PRKN: variants seen among roughly 807,000 people sequenced by gnomAD.
PRKN encodes the protein parkin RBR E3 ubiquitin protein ligase.
In PRKN, 56 loss-of-function variants were observed where a neutral mutation model predicts 59.5. The observed-to-expected ratio is 0.94, with a 90% CI of 0.76 to 1.18. The LOEUF (loss-of-function observed/expected upper bound fraction) is 1.18, where lower values mean the gene tolerates loss of function less well. Ranked by LOEUF, PRKN falls within the 50% of genes most tolerant of loss-of-function variation. The pLI is 0.00. For synonymous variants in PRKN, 250 were observed against 222.1 expected (o/e 1.13, Z -1.12); for missense variants, 657 against 596.4 (o/e 1.10, Z -1.06).
intron 6 of PRKN, among the ~76,000 whole-genome samples, chr6:161,801,828 C>T (rs997971986): frequency 6.6e-6 from 1 of 152,088 alleles, no homozygotes; most frequent in African/African-American, 2.4e-5. Context: ...TTCGGGTGAA[C>T]AATGGGATGT....
At chr6:162,302,837 C>T (rs1782020306) in intron 2 of PRKN, among the ~76,000 whole-genome samples, 1 of 152,054 alleles carries the variant, frequency 6.6e-6, no homozygotes, top group African/African-American at 2.4e-5. Flanking sequence ...CCCTCTAATT[C>T]ACCTCCCACT....
At chr6:162,317,234 G>C (rs1782790972) in intron 2 of PRKN, among the ~76,000 whole-genome samples, 1 of 152,006 alleles carries the variant, frequency 6.6e-6, no homozygotes, top group Non-Finnish European at 1.5e-5. Context: ...ATCAAGGGCA[G>C]GGCCAGCTGG....
At chr6:162,712,684 C>T (rs1038122921) in intron 1 of PRKN, among the ~76,000 whole-genome samples, 9 of 152,214 alleles carry the variant, frequency 5.9e-5, no homozygotes, top group African/African-American at 2.2e-4. Flanking sequence ...TTATCTCTGG[C>T]TTGCACCACA....
chr6:161,948,786 T>C lies in PRKN; in HGVS notation c.734+24516A>G, dbSNP rs566325807. On this transcript the variant is annotated intron_variant, in intron 6 of 11. Transcript: ENST00000366898. ...AAGAGGGGACCCAGACACAGAGCCG[T>C]GTCAGTAAGGGCACATCTGAGTAAG... Among the ~76,000 whole-genome samples, 6 of 152,318 alleles carry C rather than the reference T, an allele frequency of 3.9e-5. No homozygotes were observed. The East Asian group carries it at 9.7e-4, about 25-fold the overall frequency.
At chr6:162,197,931 C>T (rs554446451) in intron 4 of PRKN, among the ~76,000 whole-genome samples, 2 of 152,226 alleles carry the variant, frequency 1.3e-5, no homozygotes, top group Admixed American at 6.5e-5. Context: ...AAACTAGAGA[C>T]CCAAGCTGAA....
intron 3 of PRKN, among the ~76,000 whole-genome samples, chr6:162,247,177 T>C (rs1271369957): frequency 6.6e-6 from 1 of 152,196 alleles, no homozygotes; most frequent in Non-Finnish European, 1.5e-5. Context: ...GACTTTCCAG[T>C]TTCTTTGTGA....
At chr6:161,364,319 C>T (rs566842034) in intron 10 of PRKN, among the ~76,000 whole-genome samples, 9 of 150,644 alleles carry the variant, frequency 6.0e-5, no homozygotes, top group East Asian at 2.0e-4. Flanking sequence ...ATTAGCTGGG[C>T]GCGGTGGTGG....
chr6:162,158,826 G>A (rs1055214269), intron 4 of PRKN, among the ~76,000 whole-genome samples: 4 of 151,870 alleles, frequency 2.6e-5, no homozygotes, highest in South Asian at 2.1e-4. Context: ...GACTATTATA[G>A]GCTTCAAACG....
chr6:161,970,389 T>C (rs3016555), intron 6 of PRKN, among the ~76,000 whole-genome samples: 71,962 of 148,668 alleles, frequency 0.48, 17,360 homozygotes, highest in Middle Eastern at 0.6. Flanking sequence ...GGAAAAAGCA[T>C]GATACGAAAC....
At chr6:162,492,924 G>A (rs1562328154) in intron 1 of PRKN, among the ~76,000 whole-genome samples, 1 of 142,140 alleles carries the variant, frequency 7.0e-6, no homozygotes, top group Non-Finnish European at 1.5e-5. Flanking sequence ...CTGCACTCCA[G>A]CCTGGGCAAC....
In PRKN at chr6:161,973,315, A is replaced by T. The variant is rs1405650185; in HGVS notation, c.721T>A (p.Cys241Ser). 2 of 1,610,264 alleles carry T rather than the reference A, an allele frequency of 1.2e-6. No individual in the cohort carries two copies. The highest frequency in any genetic ancestry group is 1.3e-5 in the African/African-American group (1 of 74,870). ...TTAGATCCTTACCTGACGTCTGTGC[A>T]CGTAATGCAAGTGATGTTCCGACTA... The part of the protein sequence containing the change: ...TNSRNITCIT[C>S]TDVRSPVLVF... Residue 241 changes from cysteine (C) to serine (S), a missense_variant, in exon 6 of 12, where the codon TGC becomes AGC. Coordinates refer to ENST00000366898, the MANE Select transcript of PRKN (RefSeq NM_004562.3).
At chr6:162,588,930 G>C (rs535427617) in intron 1 of PRKN, among the ~76,000 whole-genome samples, 1 of 152,054 alleles carries the variant, frequency 6.6e-6, no homozygotes, top group Non-Finnish European at 1.5e-5. Context: ...CGGTGGGTGC[G>C]CAGTAAGTTG....
chr6:161,493,122 T>C (rs956499639), intron 9 of PRKN, among the ~76,000 whole-genome samples: 3 of 152,192 alleles, frequency 2.0e-5, no homozygotes, highest in African/African-American at 7.2e-5. Flanking sequence ...ATCTGAAATG[T>C]CTTCTTGGTC....
At chr6:162,307,437 A>C (rs985886559) in intron 2 of PRKN, among the ~76,000 whole-genome samples, 1 of 151,686 alleles carries the variant, frequency 6.6e-6, no homozygotes, top group Admixed American at 6.6e-5. Context: ...AGATATAACT[A>C]AGCAGCAAAT....
chr6:162,622,904 T>A (rs1182064901), intron 1 of PRKN, among the ~76,000 whole-genome samples: 3 of 152,174 alleles, frequency 2.0e-5, no homozygotes, highest in Non-Finnish European at 4.4e-5. Flanking sequence ...TGAAATGCTT[T>A]ATGAACCGCC....
At chr6:161,521,707 A>G (rs1462483057) in intron 9 of PRKN, among the ~76,000 whole-genome samples, 3 of 152,140 alleles carry the variant, frequency 2.0e-5, no homozygotes, top group African/African-American at 7.2e-5. Context: ...GCTGGTCTTC[A>G]GCTTGACCCA....
At chr6:162,378,876 G>T (rs946460534) in intron 2 of PRKN, among the ~76,000 whole-genome samples, 5 of 152,080 alleles carry the variant, frequency 3.3e-5, no homozygotes, top group Admixed American at 3.3e-4. Flanking sequence ...GACCTGGAAG[G>T]GGATTCCACA....
At chr6:162,237,206 T>A (rs1211715522) in intron 3 of PRKN, among the ~76,000 whole-genome samples, 1 of 152,132 alleles carries the variant, frequency 6.6e-6, no homozygotes, top group African/African-American at 2.4e-5. Flanking sequence ...CCTTTATGAC[T>A]TGGAAAGATA....
intron 7 of PRKN, among the ~76,000 whole-genome samples, chr6:161,590,020 C>T (rs1472775235): frequency 6.6e-6 from 1 of 151,812 alleles, no homozygotes; most frequent in Non-Finnish European, 1.5e-5. Flanking sequence ...AACTCCTGAC[C>T]TCAGATGATC....
Sources: gnomAD v4.1 joint callset for allele counts (sites outside exome capture counted in the v4.1 genomes callset) on GRCh38, gnomAD v4.1.1 for gene constraint, MANE v1.5 for transcripts, NCBI Gene and HGNC (gene_info 2026-07-23, HGNC 2026-07-21) for gene names.